Variants in FRMD4A observed in about 807,000 individuals in gnomAD.
The protein encoded by FRMD4A is FERM domain-containing protein 4A.
A neutral mutation model predicts 129.1 loss-of-function variants in FRMD4A; 29 were observed. The observed-to-expected ratio is 0.22, with a 90% CI of 0.17 to 0.31. The LOEUF (loss-of-function observed/expected upper bound fraction) is 0.31, where lower values mean the gene tolerates loss of function less well. Ranked by LOEUF, FRMD4A falls within the 10% of genes least tolerant of loss-of-function variation. The probability of loss-of-function intolerance (pLI) is 1.00; values close to 1 mark genes in which losing one functional copy is unlikely to be tolerated. For missense variants in FRMD4A, 1,272 were observed against 1,375.8 expected (o/e 0.92, Z 1.19); for synonymous variants, 634 against 571.6 (o/e 1.11, Z -1.56).
chr10:13,910,746 A>G (rs1017794175), intron 2 of FRMD4A, among the ~76,000 whole-genome samples: 1 of 152,214 alleles, frequency 6.6e-6, no homozygotes, highest in Non-Finnish European at 1.5e-5. Context: ...CACAATATCA[A>G]CTGGAACCAA....
In FRMD4A at chr10:14,000,667, A is replaced by AAAAAAAAAAAG. The variant is rs200369296; in HGVS notation, c.46-141756_46-141755insCTTTTTTTTTT. The stretch of plus-strand genomic sequence containing the variant: ...ACCTCAAAAAAAAAAAAAAAAAAAA[A>AAAAAAAAAAAG]AGAGAAGAAAGCTATGTCCCCTTTC... On this transcript the variant is annotated intron_variant, in intron 2 of 24. Transcript: ENST00000357447. Among the ~76,000 whole-genome samples, 335 of 106,790 alleles carry AAAAAAAAAAAG rather than the reference A, an allele frequency of 3.1e-3. 3 individuals are homozygous for AAAAAAAAAAAG. Among genetic ancestry groups the AAAAAAAAAAAG allele is most frequent in the Middle Eastern group, 6.8e-3 (1 of 148 alleles). 70.1% of individuals were successfully genotyped at this position (106,790 alleles called of 152,430 possible). A position where few individuals can be genotyped will look rare whatever the true frequency, so the allele number is the denominator to read the frequency against.
chr10:14,150,478 A>C (rs1840286708), intron 2 of FRMD4A, among the ~76,000 whole-genome samples: 1 of 152,134 alleles, frequency 6.6e-6, no homozygotes, highest in Non-Finnish European at 1.5e-5. Flanking sequence ...AATTGGGCTG[A>C]ACTGTTCTAG....
At chr10:13,908,597 G>A (rs569183264) in intron 2 of FRMD4A, among the ~76,000 whole-genome samples, 1 of 152,342 alleles carries the variant, frequency 6.6e-6, no homozygotes, top group East Asian at 1.9e-4. Flanking sequence ...ACGTTCTCCA[G>A]CTGAGAGACA....
Position 14,059,679 on chromosome 10 carries a change from G to A in FRMD4A, c.46-200767C>T, listed in dbSNP as rs541469684. 3.9e-5 allele frequency among the ~76,000 whole-genome samples: 6 copies of A among 152,286 alleles called. No homozygotes were observed. The South Asian group carries it at 1.2e-3, about 32-fold the overall frequency. ...GCTTTATTTTGTTATAGCAGCCTCA[G>A]CAGACTAACACACCATTCCTCTGCC... On this transcript the variant is annotated intron_variant, in intron 2 of 24. Coordinates refer to ENST00000357447, the MANE Select transcript of FRMD4A (RefSeq NM_018027.5).
intron 2 of FRMD4A, among the ~76,000 whole-genome samples, chr10:13,970,565 G>A (rs559866328): frequency 8.5e-5 from 13 of 152,334 alleles, no homozygotes; most frequent in African/African-American, 3.1e-4. Context: ...CCAGCTTACA[G>A]AGGGAGGGCC....
intron 2 of FRMD4A, among the ~76,000 whole-genome samples, chr10:13,874,650 C>T (rs184660465): frequency 7.7e-4 from 117 of 152,202 alleles, no homozygotes; most frequent in East Asian, 1.2e-3. Context: ...AATTAGAAGA[C>T]CACTAACACC....
At chr10:14,106,722 A>AT (rs929300606) in intron 2 of FRMD4A, among the ~76,000 whole-genome samples, 2 of 152,194 alleles carry the variant, frequency 1.3e-5, no homozygotes, top group Admixed American at 6.5e-5. Context: ...ATCATTTCAG[A>AT]TTTTTTTAAA....
intron 13 of FRMD4A, 45 bp downstream of exon 13, chr10:13,706,991 GC>G: frequency 1.0e-6 from 1 of 986,920 alleles, no homozygotes; most frequent in Non-Finnish European, 1.6e-6. Flanking sequence ...AACACGCCCG[GC>G]CGAGAGCCAC....
At chr10:13,770,663 T>G (rs1275841508) in intron 6 of FRMD4A, among the ~76,000 whole-genome samples, 2 of 152,090 alleles carry the variant, frequency 1.3e-5, no homozygotes, top group Admixed American at 1.3e-4. Flanking sequence ...AGGTTGGTCT[T>G]GAACTCCTGG....
Position 13,769,656 on chromosome 10 carries a change from T to C in FRMD4A, c.385-6976A>G, listed in dbSNP as rs554346684. ...GTTTCTGGATGTGTCTACGAGGGTG[T>C]TTCTGGATGAGATCAGCATTTGAAT... On this transcript the variant is annotated intron_variant, in intron 6 of 24. Transcript: ENST00000357447. Among the ~76,000 whole-genome samples, 5 of 152,214 alleles carry C rather than the reference T, an allele frequency of 3.3e-5. No homozygotes were observed. The South Asian group carries it at 8.3e-4, about 25-fold the overall frequency.
At chr10:14,302,915 TAGAC>T (rs1846231056) in intron 2 of FRMD4A, among the ~76,000 whole-genome samples, 3 of 152,064 alleles carry the variant, frequency 2.0e-5, no homozygotes, top group African/African-American at 7.2e-5. Context: ...AAAGCAACAT[TAGAC>T]AGCAGGACTC....
At chr10:13,768,357 C>T (rs76400889) in intron 6 of FRMD4A, among the ~76,000 whole-genome samples, 2,119 of 152,276 alleles carry the variant, frequency 0.014, 91 homozygotes, top group South Asian at 0.12. Flanking sequence ...GGCCTCTTTG[C>T]TCAGAGGGAC....
At chr10:13,700,981 G>C (rs1331004627) in intron 14 of FRMD4A, among the ~76,000 whole-genome samples, 1 of 151,788 alleles carries the variant, frequency 6.6e-6, no homozygotes, top group Non-Finnish European at 1.5e-5. Context: ...CTTTTCAAAA[G>C]GAAGATAGTA....
At chr10:14,103,876 A>G (rs968357542) in intron 2 of FRMD4A, among the ~76,000 whole-genome samples, 2 of 152,192 alleles carry the variant, frequency 1.3e-5, no homozygotes, top group Non-Finnish European at 2.9e-5. Context: ...AATTTCATAA[A>G]GATCACATTG....
At chr10:13,828,627 G>A (rs2093741112) in intron 3 of FRMD4A, among the ~76,000 whole-genome samples, 1 of 151,286 alleles carries the variant, frequency 6.6e-6, no homozygotes, top group African/African-American at 2.4e-5. Flanking sequence ...CCGCCTCCTG[G>A]GTTCAAGCAA....
chr10:14,193,011 G>A (rs1842363200), intron 2 of FRMD4A, among the ~76,000 whole-genome samples: 1 of 152,166 alleles, frequency 6.6e-6, no homozygotes, highest in African/African-American at 2.4e-5. Flanking sequence ...CCAACATCAA[G>A]GACTGCACTG....
At chr10:13,866,971 T>C (rs2094375567) in intron 2 of FRMD4A, among the ~76,000 whole-genome samples, 1 of 152,102 alleles carries the variant, frequency 6.6e-6, no homozygotes, top group Non-Finnish European at 1.5e-5. Flanking sequence ...TCAAAAAAAT[T>C]AGATACATAC....
intron 2 of FRMD4A, among the ~76,000 whole-genome samples, chr10:13,926,753 A>G (rs2095137988): frequency 6.6e-6 from 1 of 152,234 alleles, no homozygotes; most frequent in South Asian, 2.1e-4. Flanking sequence ...GCCCTACACG[A>G]CAATGTACAA....
chr10:14,290,120 A>G (rs745713174), intron 2 of FRMD4A, among the ~76,000 whole-genome samples: 1 of 152,104 alleles, frequency 6.6e-6, no homozygotes, highest in African/African-American at 2.4e-5. Context: ...TCTTGTGTTT[A>G]TGGCCAGAAG....
Sources: gnomAD v4.1 joint callset for allele counts (sites outside exome capture counted in the v4.1 genomes callset) on GRCh38, gnomAD v4.1.1 for gene constraint, MANE v1.5 for transcripts, NCBI Gene and HGNC (gene_info 2026-07-23, HGNC 2026-07-21) for gene names.